Variants in NRG3 observed in about 807,000 individuals in gnomAD.
The protein encoded by NRG3 is pro-neuregulin-3, membrane-bound isoform.
In NRG3, 31 loss-of-function variants were observed where a neutral mutation model predicts 66.9. The observed-to-expected ratio is 0.46, with a 90% CI of 0.35 to 0.63. NRG3 has a LOEUF of 0.63. Among genes scored for constraint, NRG3 ranks in the 20% least tolerant of loss-of-function variants. NRG3 has a pLI of 0.00. For missense variants in NRG3, 910 were observed against 878.9 expected, an observed-to-expected ratio of 1.04 and a Z score of -0.45; for synonymous variants, 393 against 359.4, an observed-to-expected ratio of 1.09 and a Z score of -1.06.
chr10:82,023,521 G>A (rs2062157130), intron 1 of NRG3, among the ~76,000 whole-genome samples: 1 of 151,916 alleles, frequency 6.6e-6, no homozygotes, highest in African/African-American at 2.4e-5. Flanking sequence ...ATTATTTTGA[G>A]ATATGTTTCT....
At chr10:82,667,071 G>A (rs575293097) in intron 2 of NRG3, among the ~76,000 whole-genome samples, 1 of 152,190 alleles carries the variant, frequency 6.6e-6, no homozygotes, top group African/African-American at 2.4e-5. Flanking sequence ...GTCCACAGCA[G>A]AGCGCCCCTG....
intron 1 of NRG3, among the ~76,000 whole-genome samples, chr10:82,339,066 G>C (rs192552336): frequency 6.6e-6 from 1 of 152,140 alleles, no homozygotes; most frequent in Non-Finnish European, 1.5e-5. Context: ...GATGTATTGG[G>C]TACTTTATGC....
At chr10:82,622,290 C>T (rs1239999398) in intron 2 of NRG3, among the ~76,000 whole-genome samples, 1 of 145,622 alleles carries the variant, frequency 6.9e-6, no homozygotes, top group Admixed American at 7.0e-5. Context: ...TGATATTCCC[C>T]TGAAAATCAT....
At chr10:81,946,570 A>G (rs1372661892) in intron 1 of NRG3, among the ~76,000 whole-genome samples, 1 of 152,048 alleles carries the variant, frequency 6.6e-6, no homozygotes. Context: ...ATGAAAGGTA[A>G]GTTTTTGGTT....
At chr10:82,214,799 T>C (rs2075580254) in intron 1 of NRG3, among the ~76,000 whole-genome samples, 1 of 152,168 alleles carries the variant, frequency 6.6e-6, no homozygotes, top group African/African-American at 2.4e-5. Flanking sequence ...TTTGTATTTG[T>C]TTTTATTTTT....
chr10:82,899,975 A>G (rs893757308), intron 4 of NRG3, among the ~76,000 whole-genome samples: 10 of 152,218 alleles, frequency 6.6e-5, no homozygotes, highest in Non-Finnish European at 1.5e-4. Flanking sequence ...AAGAGGTTTA[A>G]TTAGCTCACC....
chr10:82,077,218 A>T (rs2065138999), intron 1 of NRG3, among the ~76,000 whole-genome samples: 1 of 152,258 alleles, frequency 6.6e-6, no homozygotes, highest in African/African-American at 2.4e-5. Flanking sequence ...TATAGAAAAT[A>T]GTGCTCATTG....
At position 82,951,480 on chromosome 10, in the gene NRG3, G is replaced by A. The variant is rs1435194122; in HGVS notation, c.1066G>A (p.Val356Ile). The A allele has an allele frequency of 6.2e-7, 1 of 1,613,776 alleles. No individual in the cohort carries two copies. The highest frequency in any genetic ancestry group is 8.5e-7 in the Non-Finnish European group (1 of 1,179,698). ...LGIEFMESEE[V>I]YQRQVLSISC... is the part of the protein sequence containing the mutation. ...TTTCAAATTCACAGAGAGTGAAGAAGTTTATCAAAGGCAGGTGCTGTCAAT... is the reference window on the plus strand; with the variant it reads ...TTTCAAATTCACAGAGAGTGAAGAAATTTATCAAAGGCAGGTGCTGTCAAT... The change falls in exon 5 of 9, where the codon GTT (valine) becomes ATT (isoleucine). Residue 356 changes from valine (V) to isoleucine (I), a missense_variant. Transcript: ENST00000372141.
intron 1 of NRG3, among the ~76,000 whole-genome samples, chr10:82,026,151 C>A (rs1030502015): frequency 6.6e-6 from 1 of 151,802 alleles, no homozygotes; most frequent in Admixed American, 6.6e-5. Flanking sequence ...ATGAAAAGAC[C>A]CCATAACAAT....
At chr10:81,979,062 G>A (rs374094673) in intron 1 of NRG3, among the ~76,000 whole-genome samples, 16 of 152,032 alleles carry the variant, frequency 1.1e-4, no homozygotes, top group African/African-American at 3.9e-4. Context: ...AGTGGCGCAC[G>A]CCTGTAGTCC....
intron 1 of NRG3, among the ~76,000 whole-genome samples, chr10:82,175,147 A>T (rs569395402): frequency 6.6e-6 from 1 of 152,210 alleles, no homozygotes; most frequent in South Asian, 2.1e-4. Flanking sequence ...ACTTTCTGTC[A>T]TCCTCTCTGA....
chr10:82,573,059 G>GAC (rs1445522953), intron 2 of NRG3, among the ~76,000 whole-genome samples: 1 of 151,818 alleles, frequency 6.6e-6, no homozygotes, highest in Middle Eastern at 3.2e-3. Flanking sequence ...GCAGAAGACA[G>GAC]ACACAGATAA....
At chr10:81,878,623 T>A (rs536233733) in intron 1 of NRG3, among the ~76,000 whole-genome samples, 9 of 152,318 alleles carry the variant, frequency 5.9e-5, no homozygotes, top group African/African-American at 2.2e-4. Context: ...ATTATGCCCG[T>A]AAAGTTCCCA....
chr10:82,669,946 C>G (rs1175930105), intron 2 of NRG3, among the ~76,000 whole-genome samples: 1 of 150,648 alleles, frequency 6.6e-6, no homozygotes, highest in Non-Finnish European at 1.5e-5. Context: ...AAAAAGAAAA[C>G]AAAAAAGCTG....
intron 1 of NRG3, among the ~76,000 whole-genome samples, chr10:82,273,521 A>G (rs2078701962): frequency 6.6e-6 from 1 of 152,050 alleles, no homozygotes. Flanking sequence ...AACCCACAGA[A>G]TTTTAATGGG....
At chr10:82,967,854 C>T (rs77815037) in intron 6 of NRG3, among the ~76,000 whole-genome samples, 1 of 152,140 alleles carries the variant, frequency 6.6e-6, no homozygotes, top group Non-Finnish European at 1.5e-5. Flanking sequence ...GAGGTCAAAC[C>T]CATGGAAGTA....
In NRG3 at chr10:82,097,257, AAT is replaced by A. The variant is rs1173493273; in HGVS notation, c.823+221097_823+221098del. On this transcript the variant is annotated intron_variant, in intron 1 of 8. Coordinates refer to ENST00000372141, the MANE Select transcript of NRG3 (RefSeq NM_001010848.4). The stretch of plus-strand genomic sequence containing the variant: ...TTTGAGAATCATCCTTTCATTTATT[AAT>A]ATGTCTTCATATTTTTGCTCAGTGA... Among the ~76,000 whole-genome samples, 5 of 151,576 alleles carry A rather than the reference AAT, an allele frequency of 3.3e-5. No individual in the cohort carries two copies. The East Asian group carries it at 9.7e-4, about 29-fold the overall frequency.
chr10:82,083,102 G>C (rs1391914932), intron 1 of NRG3, among the ~76,000 whole-genome samples: 1 of 151,566 alleles, frequency 6.6e-6, no homozygotes, highest in African/African-American at 2.4e-5. Flanking sequence ...CACCATACCT[G>C]GCTGATTATG....
intron 2 of NRG3, among the ~76,000 whole-genome samples, chr10:82,616,445 G>C (rs563613319): frequency 1.3e-5 from 2 of 152,236 alleles, no homozygotes; most frequent in African/African-American, 4.8e-5. Context: ...TTTGGCTAGA[G>C]GTAATGGTGT....
Sources: allele counts gnomAD v4.1 joint callset (sites outside exome capture counted in the v4.1 genomes callset), GRCh38; gene constraint gnomAD v4.1.1; transcripts MANE v1.5; gene names NCBI Gene and HGNC (gene_info 2026-07-23, HGNC 2026-07-21).